The following RORA variants were observed in gnomAD, a reference collection of about 807,000 sequenced individuals.
The protein encoded by RORA is RAR related orphan receptor A, also known as nuclear receptor ROR-alpha.
RORA carries 7 observed loss-of-function variants against 69.5 expected under a neutral mutation model. The ratio of observed to expected loss-of-function variants is 0.10; its 90% CI spans 0.06 to 0.19. The LOEUF (loss-of-function observed/expected upper bound fraction) is 0.19. Among genes scored for constraint, RORA ranks in the 10% least tolerant of loss-of-function variants. RORA has a pLI of 1.00. For synonymous variants in RORA, 261 were observed against 240.8 expected, an observed-to-expected ratio of 1.08 and a Z score of -0.78; for missense variants, 457 against 663.0, an observed-to-expected ratio of 0.69 and a Z score of 3.41.
intron 3 of RORA, among the ~76,000 whole-genome samples, chr15:60,523,437 A>C (rs146495096): frequency 1.9e-4 from 29 of 152,308 alleles, no homozygotes; most frequent in African/African-American, 6.5e-4. Context: ...TATTGTTTGA[A>C]AATTATGTGA....
intron 1 of RORA, among the ~76,000 whole-genome samples, chr15:60,779,274 G>C (rs536648732): frequency 3.0e-4 from 45 of 152,258 alleles, no homozygotes; most frequent in African/African-American, 1.1e-3. Context: ...GCCTCTCCCA[G>C]GTTGGCCCAA....
chr15:60,579,101 A>T (rs1024475886), intron 2 of RORA, among the ~76,000 whole-genome samples: 1 of 147,342 alleles, frequency 6.8e-6, no homozygotes, highest in Non-Finnish European at 1.5e-5. Flanking sequence ...GCAACTGCAC[A>T]GTAATGAAGA....
chr15:60,758,001 T>G (rs1233308097), intron 1 of RORA, among the ~76,000 whole-genome samples: 1 of 152,208 alleles, frequency 6.6e-6, no homozygotes, highest in Non-Finnish European at 1.5e-5. Context: ...TAGTCTAGTG[T>G]GCATGGTGAT....
At chr15:60,743,552 T>C (rs17191596) in intron 1 of RORA, among the ~76,000 whole-genome samples, 12,733 of 152,226 alleles carry the variant, frequency 0.084, 706 homozygotes, top group Non-Finnish European at 0.13. Flanking sequence ...TTCAATCCCA[T>C]TGTCACTCTG....
At chr15:60,698,496 T>C (rs2140786876) in intron 1 of RORA, among the ~76,000 whole-genome samples, 1 of 152,352 alleles carries the variant, frequency 6.6e-6, no homozygotes, top group South Asian at 2.1e-4. Context: ...AATGTTTTAA[T>C]GGAGAATTAA....
intron 1 of RORA, among the ~76,000 whole-genome samples, chr15:60,896,381 C>T (rs1891232036): frequency 6.6e-6 from 1 of 152,212 alleles, no homozygotes; most frequent in African/African-American, 2.4e-5. Context: ...TTTTACCCCC[C>T]TTGGTTATAG....
At chr15:61,029,654 A>T (rs1254557189) in intron 1 of RORA, among the ~76,000 whole-genome samples, 1 of 152,218 alleles carries the variant, frequency 6.6e-6, no homozygotes, top group Admixed American at 6.5e-5. Flanking sequence ...ATGTTAAATC[A>T]ACAGGACAGG....
At chr15:60,667,466 T>C (rs1386563372) in intron 2 of RORA, among the ~76,000 whole-genome samples, 1 of 152,180 alleles carries the variant, frequency 6.6e-6, no homozygotes, top group African/African-American at 2.4e-5. Flanking sequence ...TTATGTTAAA[T>C]ACATCACCAC....
At chr15:60,719,801 T>C (rs747944661) in intron 1 of RORA, among the ~76,000 whole-genome samples, 2 of 152,208 alleles carry the variant, frequency 1.3e-5, no homozygotes, top group Non-Finnish European at 2.9e-5. Context: ...TGCAGACTCC[T>C]ACTTCAAGGG....
At chr15:61,071,230 A>AG (rs2078339140) in intron 1 of RORA, among the ~76,000 whole-genome samples, 3 of 15,404 alleles carry the variant, frequency 1.9e-4, no homozygotes, top group Admixed American at 9.1e-4. Flanking sequence ...GGGGAAGGGA[A>AG]GGGAGGGGAG....
rs1345365086 is a variant in RORA, at chr15:60,537,249, C to G, written c.197-5398G>C. Reference sequence around the variant, plus strand: ...ATTTTGTGGCCCCCTTGTTTCAGGGCTTCTAAAGATGGTCATGCAGGTTGT... The same window carrying G: ...ATTTTGTGGCCCCCTTGTTTCAGGGGTTCTAAAGATGGTCATGCAGGTTGT... On this transcript the variant is annotated intron_variant, in intron 2 of 10. Coordinates refer to ENST00000335670, the MANE Select transcript of RORA (RefSeq NM_134261.3). The surrounding 1 kb of genome is among the most constrained non-coding windows in gnomAD (Gnocchi z 4.9). Among the ~76,000 whole-genome samples, 1 of 152,166 alleles carries G rather than the reference C, an allele frequency of 6.6e-6. No homozygotes were observed. The highest frequency in any genetic ancestry group is 3.2e-3 in the Middle Eastern group (1 of 316).
intron 1 of RORA, among the ~76,000 whole-genome samples, chr15:60,880,847 A>G (rs1259881009): frequency 1.3e-5 from 2 of 152,074 alleles, no homozygotes; most frequent in African/African-American, 4.8e-5. Context: ...AAAGCCAGAA[A>G]TAAAAAAATC....
At chr15:61,037,645 T>G (rs1234690283) in intron 1 of RORA, among the ~76,000 whole-genome samples, 2 of 152,206 alleles carry the variant, frequency 1.3e-5, no homozygotes, top group East Asian at 3.8e-4. Context: ...GAGCATTTAT[T>G]GAACCCTTGT....
Position 60,497,273 on chromosome 15 carries a change from C to G in RORA, c.*182G>C. ...ATGGAAATCATATGCATGAGAAAAA[C>G]AAGTTCAACTTTTATTTGTTTTCAT... On this transcript the variant is annotated 3_prime_UTR_variant, in exon 11 of 11. Coordinates refer to ENST00000335670, the MANE Select transcript of RORA (RefSeq NM_134261.3). 3.6e-6 allele frequency: 2 copies of G among 553,522 alleles called. No individual in the cohort carries two copies. Among genetic ancestry groups the G allele is most frequent in the Non-Finnish European group, 6.3e-6 (2 of 316,246 alleles). The allele number at this position is 553,522 out of a possible 1,614,324, so 34.3% of individuals were successfully genotyped here.
At chr15:60,827,849 T>C (rs2072986913) in intron 1 of RORA, among the ~76,000 whole-genome samples, 1 of 152,208 alleles carries the variant, frequency 6.6e-6, no homozygotes, top group Non-Finnish European at 1.5e-5. Context: ...GTCAGGACCA[T>C]TACAGCTGTC....
At chr15:61,042,380 T>TAC (rs141791344) in intron 1 of RORA, among the ~76,000 whole-genome samples, 28,450 of 151,336 alleles carry the variant, frequency 0.19, 3,371 homozygotes, top group East Asian at 0.5. Context: ...AATGAATAAA[T>TAC]ACACACACAC....
Position 61,229,062 on chromosome 15 carries a change from T to G in RORA, c.157A>C (p.Thr53Pro), listed in dbSNP as rs1271804497. ...APVRRQSYSS[T>P]SRGISVTKKT... ...CTCTCCAGCCTCCTACCTCTGCTGGTGCTGGAATAGCTCTGTCTGCGCACC... is the reference window on the plus strand; with the variant it reads ...CTCTCCAGCCTCCTACCTCTGCTGGGGCTGGAATAGCTCTGTCTGCGCACC... Residue 53 changes from threonine (T) to proline (P), a missense_variant, in exon 1 of 11, where the codon ACC (threonine) becomes CCC (proline). Thr to Pro is a conservative substitution (Grantham distance 38, BLOSUM62 -1). This residue lies in a region of RORA where 119 missense variants were observed against 92.4 expected (regional missense o/e 1.29). Coordinates refer to ENST00000335670, the MANE Select transcript of RORA (RefSeq NM_134261.3). 1 of 1,526,024 alleles carries G rather than the reference T, an allele frequency of 6.6e-7. No individual in the cohort carries two copies. Among genetic ancestry groups the G allele is most frequent in the South Asian group, 1.2e-5 (1 of 82,968 alleles). 94.5% of individuals were successfully genotyped at this position (1,526,024 alleles called of 1,614,324 possible).
chr15:60,761,970 C>T (rs1361186215), intron 1 of RORA, among the ~76,000 whole-genome samples: 1 of 151,694 alleles, frequency 6.6e-6, no homozygotes, highest in Non-Finnish European at 1.5e-5. Flanking sequence ...AAATCAAGTT[C>T]TTGAGCACTT....
intron 1 of RORA, among the ~76,000 whole-genome samples, chr15:61,187,141 G>T (rs915556059): frequency 6.6e-6 from 1 of 152,240 alleles, no homozygotes; most frequent in African/African-American, 2.4e-5. Flanking sequence ...GGTTTAAGAA[G>T]TCCAACTATT....
Sources: gnomAD v4.1 joint callset for allele counts (sites outside exome capture counted in the v4.1 genomes callset) on GRCh38, gnomAD v4.1.1 for gene constraint, gnomAD v4.1.1 regional missense constraint, Gnocchi (gnomAD v3.1) non-coding constraint, MANE v1.5 for transcripts, NCBI Gene and HGNC (gene_info 2026-07-23, HGNC 2026-07-21) for gene names.